Variants in ARB2A observed in about 807,000 individuals in gnomAD.
ARB2A encodes ARB2 cotranscriptional regulator A, also known as cotranscriptional regulator ARB2A.
chr5:93,837,864 T>G, the ARB2A span, among the ~76,000 whole-genome samples: 3 of 152,212 alleles, frequency 2.0e-5, no homozygotes, highest in African/African-American at 7.2e-5. Context: ...GTTTGTTTTT[T>G]GCTTATAAAT....
chr5:93,729,373 T>C, the ARB2A span, among the ~76,000 whole-genome samples: 4 of 152,102 alleles, frequency 2.6e-5, no homozygotes, highest in African/African-American at 7.2e-5. Flanking sequence ...AATTAGATAT[T>C]TGGTCACTGA....
the ARB2A span, among the ~76,000 whole-genome samples, chr5:94,058,295 A>G: frequency 6.6e-6 from 1 of 152,224 alleles, no homozygotes; most frequent in Non-Finnish European, 1.5e-5. Flanking sequence ...AAGGAATAGA[A>G]GAAAATCCAG....
the ARB2A span, among the ~76,000 whole-genome samples, chr5:94,033,252 G>C: frequency 1.3e-5 from 2 of 152,074 alleles, no homozygotes; most frequent in Non-Finnish European, 2.9e-5. Flanking sequence ...CCCCATGCCT[G>C]TTCTGCCATT....
chr5:93,712,060 T>G, the ARB2A span, among the ~76,000 whole-genome samples: 7 of 152,290 alleles, frequency 4.6e-5, no homozygotes, highest in East Asian at 1.4e-3. Context: ...AGTCCCAGGA[T>G]AGCCTGGTAG....
the ARB2A span, among the ~76,000 whole-genome samples, chr5:93,687,249 C>T: frequency 1.3e-5 from 2 of 152,044 alleles, no homozygotes; most frequent in African/African-American, 4.8e-5. Context: ...TGATTTTTTG[C>T]AGAATAACAA....
At chr5:94,024,716 A>G in the ARB2A span, among the ~76,000 whole-genome samples, 2 of 152,212 alleles carry the variant, frequency 1.3e-5, no homozygotes, top group African/African-American at 2.4e-5. Flanking sequence ...CTATGTGGAT[A>G]AGAGAAAGCT....
At chr5:93,643,921 T>C in the ARB2A span, among the ~76,000 whole-genome samples, 1 of 152,266 alleles carries the variant, frequency 6.6e-6, no homozygotes, top group Non-Finnish European at 1.5e-5. Flanking sequence ...ATTCCTGGTA[T>C]GGCACTGTGC....
chr5:94,104,617 A>T, the ARB2A span, among the ~76,000 whole-genome samples: 1 of 151,836 alleles, frequency 6.6e-6, no homozygotes, highest in Non-Finnish European at 1.5e-5. Flanking sequence ...ACTATTCCAA[A>T]AAATGAGAAG....
the ARB2A span, among the ~76,000 whole-genome samples, chr5:93,914,226 C>T: frequency 1.3e-5 from 2 of 151,824 alleles, no homozygotes; most frequent in African/African-American, 2.4e-5. Context: ...ATTCTGTAAC[C>T]ATGGCTAATA....
At chr5:93,993,064 G>A in the ARB2A span, among the ~76,000 whole-genome samples, 2 of 151,934 alleles carry the variant, frequency 1.3e-5, no homozygotes, top group Admixed American at 6.6e-5. Context: ...GAACACATGC[G>A]AAGGAGATTA....
the ARB2A span, chr5:93,618,676 C>T: frequency 6.6e-5 from 10 of 152,278 alleles, no homozygotes; most frequent in African/African-American, 2.4e-4. Context: ...AATAGTTTGC[C>T]TAGCTCCCTC....
chr5:93,731,402 T>G, the ARB2A span, among the ~76,000 whole-genome samples: 1 of 152,062 alleles, frequency 6.6e-6, no homozygotes, highest in Non-Finnish European at 1.5e-5. Context: ...GCCAGATCCT[T>G]CCCTCAAAAC....
the ARB2A span, among the ~76,000 whole-genome samples, chr5:93,855,283 C>T: frequency 6.6e-6 from 1 of 152,184 alleles, no homozygotes; most frequent in East Asian, 1.9e-4. Flanking sequence ...ATTGCAACCC[C>T]TGCCTTTTTT....
chr5:93,635,111 T>C, the ARB2A span, among the ~76,000 whole-genome samples: 1 of 152,144 alleles, frequency 6.6e-6, no homozygotes, highest in Non-Finnish European at 1.5e-5. Flanking sequence ...ACCAAAAGAT[T>C]GCAAAGTAAC....
the ARB2A span, among the ~76,000 whole-genome samples, chr5:93,922,821 C>CT: frequency 6.6e-6 from 1 of 151,996 alleles, no homozygotes; most frequent in Non-Finnish European, 1.5e-5. Flanking sequence ...GGAAGCTTTC[C>CT]AATTATTCAA....
the ARB2A span, among the ~76,000 whole-genome samples, chr5:94,042,637 T>C: frequency 1.3e-5 from 2 of 152,140 alleles, no homozygotes; most frequent in African/African-American, 4.8e-5. Flanking sequence ...AAATTTGTAA[T>C]GGGTTATAAA....
At chr5:93,911,541 C>G in the ARB2A span, among the ~76,000 whole-genome samples, 1 of 151,428 alleles carries the variant, frequency 6.6e-6, no homozygotes, top group Non-Finnish European at 1.5e-5. Flanking sequence ...TTAGTGCATT[C>G]TAAAGCATTT....
the ARB2A span, chr5:93,743,398 T>C: frequency 4.8e-6 from 1 of 209,536 alleles, no homozygotes; most frequent in African/African-American, 2.4e-5. Context: ...TGAATCTCTG[T>C]AGCATTAATG....
chr5:93,972,290 C>A, the ARB2A span, among the ~76,000 whole-genome samples: 3 of 152,110 alleles, frequency 2.0e-5, no homozygotes, highest in African/African-American at 7.2e-5. Context: ...AAACAAGCAA[C>A]ATCTGAGAAA....
Sources: gnomAD v4.1 joint callset for allele counts (sites outside exome capture counted in the v4.1 genomes callset) on GRCh38, gnomAD v4.1.1 for gene constraint, MANE v1.5 for transcripts, NCBI Gene and HGNC (gene_info 2026-07-23, HGNC 2026-07-21) for gene names.